Variants in GAN observed in about 807,000 individuals in gnomAD.
GAN encodes the protein gigaxonin.
Under a neutral mutation model 71.3 loss-of-function variants are expected in GAN, and 48 were observed. The observed-to-expected ratio is 0.67, with a 90% CI of 0.53 to 0.86. The LOEUF (loss-of-function observed/expected upper bound fraction) is 0.86, where lower values mean the gene tolerates loss of function less well. Among genes scored for constraint, GAN ranks in the 40% least tolerant of loss-of-function variants. The pLI is 0.00. For synonymous variants in GAN, 386 were observed against 276.8 expected, an observed-to-expected ratio of 1.39 and a Z score of -3.92; for missense variants, 928 against 770.1, an observed-to-expected ratio of 1.21 and a Z score of -2.43.
In GAN at chr16:81,364,964, C is replaced by T. The variant is rs767720771; in HGVS notation, c.1237-10C>T. 1 of 1,613,916 alleles carries T rather than the reference C, an allele frequency of 6.2e-7. No homozygotes were observed. The highest frequency in any genetic ancestry group is 1.1e-5 in the South Asian group (1 of 91,080). On this transcript the variant is annotated splice_polypyrimidine_tract_variant and intron_variant, in intron 7 of 10. Coordinates refer to ENST00000648994, the MANE Select transcript of GAN (RefSeq NM_022041.4). ...GTTGCCTCTCCCCCACCATTGTTCTCTGCTTTCAGATCGGCTGCTATGCAG... is the reference window on the plus strand; with the variant it reads ...GTTGCCTCTCCCCCACCATTGTTCTTTGCTTTCAGATCGGCTGCTATGCAG...
At chr16:81,335,262 G>GT (rs946819667) in intron 1 of GAN, among the ~76,000 whole-genome samples, 70 of 152,122 alleles carry the variant, frequency 4.6e-4, no homozygotes, top group Admixed American at 1.1e-3. Flanking sequence ...CTAGGAATCT[G>GT]TTTTTTTATA....
intron 1 of GAN, among the ~76,000 whole-genome samples, chr16:81,336,874 C>G (rs930345888): frequency 2.0e-5 from 3 of 152,094 alleles, no homozygotes; most frequent in Non-Finnish European, 4.4e-5. Context: ...ACAGCCTCCC[C>G]CATTATCAGT....
chr16:81,321,643 AACATAATTAGG>A (rs1440057523), intron 1 of GAN, among the ~76,000 whole-genome samples: 6 of 152,208 alleles, frequency 3.9e-5, no homozygotes, highest in Middle Eastern at 3.2e-3. Flanking sequence ...TTGTAAGGAA[AACATAATTAGG>A]ACAAATAAGG....
intron 9 of GAN, among the ~76,000 whole-genome samples, chr16:81,376,507 G>A (rs1022285251): frequency 5.2e-5 from 7 of 134,536 alleles, no homozygotes; most frequent in African/African-American, 1.2e-4. Context: ...GTGTGTGTGT[G>A]TGTATGTGTG....
rs889519728 is a variant in GAN at position 81,390,534 on chromosome 16, G to A, written c.*12938G>A. 5 of 152,194 alleles carry A rather than the reference G, an allele frequency of 3.3e-5. No individual in the cohort carries two copies. Among genetic ancestry groups the A allele is most frequent in the African/African-American group, 9.7e-5 (4 of 41,442 alleles). The allele number at this position is 152,194 out of a possible 1,614,324, so 9.4% of individuals were successfully genotyped here. On this transcript the variant is annotated 3_prime_UTR_variant, in exon 11 of 11. Transcript: ENST00000648994. Reference sequence around the variant, plus strand: ...CACGAACCCAGGACCTGTGCTTGGGGAACATTTTGCCATCATGCTGTTCTC... The same window carrying A: ...CACGAACCCAGGACCTGTGCTTGGGAAACATTTTGCCATCATGCTGTTCTC...
Position 81,379,920 on chromosome 16 carries a change from T to A in GAN, c.*2324T>A, listed in dbSNP as rs1011037946. 4.6e-5 allele frequency: 7 copies of A among 152,522 alleles called. No homozygotes were observed. The highest frequency in any genetic ancestry group is 1.7e-4 in the African/African-American group (7 of 41,446). 9.4% of individuals were successfully genotyped at this position (152,522 alleles called of 1,614,324 possible). A position where few individuals can be genotyped will look rare whatever the true frequency, so the allele number is the denominator to read the frequency against. ...AATTCATTTTATAAAAATAGTGTTT[T>A]TTTTTTTTAATTTCAGTTCATTGAC... On this transcript the variant is annotated 3_prime_UTR_variant, in exon 11 of 11. Transcript: ENST00000648994.
chr16:81,319,623 G>T (rs1461241952), intron 1 of GAN, among the ~76,000 whole-genome samples: 1 of 152,114 alleles, frequency 6.6e-6, no homozygotes, highest in East Asian at 1.9e-4. Flanking sequence ...TTAGCTCTCA[G>T]TCCTGGAGAG....
At chr16:81,357,040 T>C (rs1471143055) in intron 4 of GAN, 38 bp downstream of exon 4, 2 of 1,156,130 alleles carry the variant, frequency 1.7e-6, no homozygotes, top group Admixed American at 3.4e-5. Context: ...AAGTGGTGTA[T>C]GGGAAGAGGT....
intron 1 of GAN, among the ~76,000 whole-genome samples, chr16:81,337,326 C>G (rs188907245): frequency 2.0e-5 from 3 of 152,288 alleles, no homozygotes; most frequent in Admixed American, 1.3e-4. Context: ...TGAATCACCC[C>G]CAAATTTCTG....
chr16:81,366,941 C>T (rs1298463322), intron 9 of GAN, among the ~76,000 whole-genome samples: 4 of 152,122 alleles, frequency 2.6e-5, no homozygotes, highest in Non-Finnish European at 5.9e-5. Flanking sequence ...TCTTCCACCT[C>T]GGCCTCCCAA....
Position 81,351,716 on chromosome 16 carries a change from G to T in GAN, c.282+19G>T. 8.8e-7 allele frequency: 1 copy of T among 1,137,206 alleles called. No homozygotes were observed. The highest frequency in any genetic ancestry group is 1.2e-5 in the South Asian group (1 of 81,668). 70.4% of individuals were successfully genotyped at this position (1,137,206 alleles called of 1,614,324 possible). A position where few individuals can be genotyped will look rare whatever the true frequency, so the allele number is the denominator to read the frequency against. Reference sequence around the variant, plus strand: ...TGGGCAGGTATGATGAGAAACAAAGGAAGGAAGACCTAAGTAGAGGCTTCT... The same window carrying T: ...TGGGCAGGTATGATGAGAAACAAAGTAAGGAAGACCTAAGTAGAGGCTTCT... On this transcript the variant is annotated intron_variant, in intron 2 of 10. Coordinates refer to ENST00000648994, the MANE Select transcript of GAN (RefSeq NM_022041.4).
rs1567492891 is a variant in GAN, at chr16:81,357,821, C to G, written c.863C>G (p.Pro288Arg). ...VGGEERVSRK[P>R]TAAMRCMCPL... is the part of the protein sequence containing the mutation. Reference sequence around the variant, plus strand: ...ATTTACTTCCTTAGTTCACGGAAACCCACAGCAGCGATGCGATGCATGTGC... The same window carrying G: ...ATTTACTTCCTTAGTTCACGGAAACGCACAGCAGCGATGCGATGCATGTGC... Residue 288 changes from proline to arginine, a missense_variant, in exon 5 of 11, where the codon CCC becomes CGC. Physicochemically the swap from Pro to Arg is moderately radical, Grantham distance 103 (BLOSUM62 -2). Coordinates refer to ENST00000648994, the MANE Select transcript of GAN (RefSeq NM_022041.4). The G allele has an allele frequency of 1.2e-6, 2 of 1,613,518 alleles. No homozygotes were observed. Among genetic ancestry groups the G allele is most frequent in the Non-Finnish European group, 1.7e-6 (2 of 1,179,462 alleles).
chr16:81,336,802 A>C (rs963997702), intron 1 of GAN, among the ~76,000 whole-genome samples: 5 of 152,088 alleles, frequency 3.3e-5, no homozygotes, highest in Non-Finnish European at 7.4e-5. Flanking sequence ...GCAACTTTAC[A>C]TTCACAGCAA....
chr16:81,361,367 A>G (rs1286728647), intron 5 of GAN, among the ~76,000 whole-genome samples: 1 of 148,964 alleles, frequency 6.7e-6, no homozygotes, highest in Non-Finnish European at 1.5e-5. Flanking sequence ...TGAAAACACT[A>G]CTAATTTGGT....
Position 81,357,940 on chromosome 16 carries a change from C to T in GAN, c.973+9C>T, listed in dbSNP as rs1383717688. The stretch of plus-strand genomic sequence containing the variant: ...TGGAGTTCTCTCAGCAGGTACCGTT[C>T]TGTGGCAAATTTTCCTTAAACAGCA... On this transcript the variant is annotated intron_variant, in intron 5 of 10. Transcript: ENST00000648994. The T allele has an allele frequency of 6.2e-6, 10 of 1,612,972 alleles. No homozygotes were observed. The highest frequency in any genetic ancestry group is 7.6e-6 in the Non-Finnish European group (9 of 1,179,080).
intron 5 of GAN, among the ~76,000 whole-genome samples, chr16:81,359,406 T>TTG (rs1186507493): frequency 6.9e-5 from 3 of 43,232 alleles, no homozygotes; most frequent in African/African-American, 2.1e-4. Flanking sequence ...GGCTGCATTG[T>TTG]TTTTTTTTTT....
intron 9 of GAN, among the ~76,000 whole-genome samples, chr16:81,375,747 C>G (rs1367037983): frequency 6.6e-6 from 1 of 151,960 alleles, no homozygotes; most frequent in African/African-American, 2.4e-5. Context: ...AGAAGGATCA[C>G]TTGAGCCCTG....
chr16:81,362,076 C>T (rs1910692682), intron 5 of GAN, among the ~76,000 whole-genome samples: 1 of 152,082 alleles, frequency 6.6e-6, no homozygotes, highest in Non-Finnish European at 1.5e-5. Context: ...GCTCTTAGAT[C>T]CTGTTTTGAA....
Position 81,327,359 on chromosome 16 carries a change from C to T in GAN, c.167+12079C>T, listed in dbSNP as rs748295401. Among the ~76,000 whole-genome samples the T allele has an allele frequency of 1.2e-4, 18 of 152,142 alleles. 1 individual carries two copies. Among genetic ancestry groups the T allele is most frequent in the South Asian group, 2.1e-4 (1 of 4,832 alleles). On this transcript the variant is annotated intron_variant, in intron 1 of 10. Coordinates refer to ENST00000648994, the MANE Select transcript of GAN (RefSeq NM_022041.4). ...TTCAGATGGAGCTTAAACATGCTAA[C>T]GGGAAGTTCATCCTGGAGCTGCCTC...
Sources: allele counts gnomAD v4.1 joint callset (sites outside exome capture counted in the v4.1 genomes callset), GRCh38; gene constraint gnomAD v4.1.1; transcripts MANE v1.5; gene names NCBI Gene and HGNC (gene_info 2026-07-23, HGNC 2026-07-21).